KCND2: variants seen among roughly 807,000 people sequenced by gnomAD.
KCND2 encodes the protein A-type voltage-gated potassium channel KCND2.
A neutral mutation model predicts 54.4 loss-of-function variants in KCND2; 16 were observed. The observed-to-expected ratio is 0.29, with a 90% CI of 0.20 to 0.45. KCND2 has a LOEUF of 0.45. Ranked by LOEUF, KCND2 falls within the 20% of genes least tolerant of loss-of-function variation. The pLI is 1.00. For synonymous variants in KCND2, 317 were observed against 310.7 expected, an observed-to-expected ratio of 1.02 and a Z score of -0.21; for missense variants, 486 against 824.2, an observed-to-expected ratio of 0.59 and a Z score of 5.02.
chr7:120,325,032 A>G (rs1799954135), intron 1 of KCND2, among the ~76,000 whole-genome samples: 1 of 138,178 alleles, frequency 7.2e-6, no homozygotes. Flanking sequence ...TGTAAGTTGG[A>G]TTCCTAGGTA....
At chr7:120,399,183 AT>A (rs1212748726) in intron 1 of KCND2, among the ~76,000 whole-genome samples, 4 of 151,788 alleles carry the variant, frequency 2.6e-5, no homozygotes, top group Non-Finnish European at 5.9e-5. Flanking sequence ...GAAGCATAAT[AT>A]TTTTAAATAT....
intron 1 of KCND2, among the ~76,000 whole-genome samples, chr7:120,644,947 T>G (rs1037994237): frequency 4.6e-5 from 7 of 151,462 alleles, no homozygotes; most frequent in African/African-American, 1.7e-4. Flanking sequence ...GTTGATGGAG[T>G]TTTTTTTTCC....
intron 1 of KCND2, among the ~76,000 whole-genome samples, chr7:120,686,478 A>G (rs1164955036): frequency 6.6e-6 from 1 of 152,204 alleles, no homozygotes; most frequent in African/African-American, 2.4e-5. Flanking sequence ...TTGCCTCCTC[A>G]GAAGAAAGAA....
rs77959713 is a variant in KCND2, at chr7:120,318,563, C to G, written c.1115+42816C>G. 8.1e-3 allele frequency among the ~76,000 whole-genome samples: 1,238 copies of G among 152,104 alleles called. 8 individuals carry two copies. Among genetic ancestry groups the G allele is most frequent in the African/African-American group, 0.027 (1,137 of 41,542 alleles). On this transcript the variant is annotated intron_variant, in intron 1 of 5. Coordinates refer to ENST00000331113, the MANE Select transcript of KCND2 (RefSeq NM_012281.3). ...TTTATTTGCTTTGATAGCATTGTTA[C>G]TTGTTCATTTGGCCTGGAAAATTCC...
At chr7:120,404,057 C>T (rs2116088410) in intron 1 of KCND2, among the ~76,000 whole-genome samples, 1 of 152,132 alleles carries the variant, frequency 6.6e-6, no homozygotes, top group East Asian at 1.9e-4. Context: ...CATAAAATTT[C>T]AGTTTATTAA....
chr7:120,332,695 G>A (rs73431928), intron 1 of KCND2, among the ~76,000 whole-genome samples: 3,249 of 151,928 alleles, frequency 0.021, 131 homozygotes, highest in African/African-American at 0.074. Context: ...GGACCATATG[G>A]GTTATTGTAC....
chr7:120,322,725 C>T (rs924738153), intron 1 of KCND2, among the ~76,000 whole-genome samples: 2 of 152,066 alleles, frequency 1.3e-5, no homozygotes, highest in African/African-American at 4.8e-5. Flanking sequence ...TGAAAGATGG[C>T]ACTCCTCTGT....
chr7:120,437,439 T>A (rs991272246), intron 1 of KCND2, among the ~76,000 whole-genome samples: 3 of 152,098 alleles, frequency 2.0e-5, no homozygotes, highest in Non-Finnish European at 1.5e-5. Context: ...TGGCCTCAGG[T>A]GATCTGCCCA....
intron 1 of KCND2, among the ~76,000 whole-genome samples, chr7:120,728,814 T>C (rs958857464): frequency 6.6e-6 from 1 of 152,094 alleles, no homozygotes; most frequent in Non-Finnish European, 1.5e-5. Context: ...TAAATAATCC[T>C]ACTGGGCTTA....
intron 1 of KCND2, among the ~76,000 whole-genome samples, chr7:120,593,370 A>G (rs1584844965): frequency 1.3e-5 from 2 of 152,320 alleles, no homozygotes; most frequent in African/African-American, 4.8e-5. Flanking sequence ...CAAGGAGCTA[A>G]GTAAATTTCC....
chr7:120,368,149 A>G (rs1384935220), intron 1 of KCND2, among the ~76,000 whole-genome samples: 3 of 152,116 alleles, frequency 2.0e-5, no homozygotes, highest in Non-Finnish European at 2.9e-5. Flanking sequence ...CCTGGCTTCA[A>G]TGAAAGAAAT....
chr7:120,537,237 A>C (rs930143603), intron 1 of KCND2, among the ~76,000 whole-genome samples: 1 of 152,224 alleles, frequency 6.6e-6, no homozygotes, highest in Admixed American at 6.5e-5. Flanking sequence ...GACCATTGTC[A>C]ATAAGCAGTA....
At chr7:120,563,634 A>G (rs1286656717) in intron 1 of KCND2, among the ~76,000 whole-genome samples, 2 of 152,166 alleles carry the variant, frequency 1.3e-5, no homozygotes, top group Non-Finnish European at 1.5e-5. Flanking sequence ...AAAAAGCTTA[A>G]TGATCTGACT....
chr7:120,365,850 GTAAT>G (rs530557844), intron 1 of KCND2, among the ~76,000 whole-genome samples: 1 of 152,016 alleles, frequency 6.6e-6, no homozygotes, highest in East Asian at 1.9e-4. Context: ...GTTCAGGTAA[GTAAT>G]TAAAACAACA....
intron 1 of KCND2, among the ~76,000 whole-genome samples, chr7:120,294,867 T>C (rs1432660082): frequency 1.3e-5 from 2 of 151,830 alleles, no homozygotes; most frequent in African/African-American, 4.8e-5. Context: ...TATGTACACA[T>C]ACATATGTGT....
At chr7:120,558,993 C>A (rs566939540) in intron 1 of KCND2, among the ~76,000 whole-genome samples, 4 of 149,012 alleles carry the variant, frequency 2.7e-5, no homozygotes, top group Admixed American at 6.7e-5. Flanking sequence ...TCACAAAGTA[C>A]TGTGTGTGTG....
At chr7:120,656,217 G>A (rs1294545799) in intron 1 of KCND2, among the ~76,000 whole-genome samples, 1 of 152,074 alleles carries the variant, frequency 6.6e-6, no homozygotes, top group Non-Finnish European at 1.5e-5. Flanking sequence ...GCCATCAGTT[G>A]TGATATACTT....
intron 1 of KCND2, among the ~76,000 whole-genome samples, chr7:120,368,284 T>G (rs1482016770): frequency 6.6e-6 from 1 of 152,080 alleles, no homozygotes; most frequent in East Asian, 1.9e-4. Flanking sequence ...AATTGCTAGT[T>G]GAGGATAAGA....
rs548526124 is a variant in KCND2 at position 120,716,957 on chromosome 7, T to C, written c.1116-15946T>C. ...CTATACATATATATCTATGATAAAG[T>C]TTAATTTATAAGTTGAGCACAGTAA... On this transcript the variant is annotated intron_variant, in intron 1 of 5. Coordinates refer to ENST00000331113, the MANE Select transcript of KCND2 (RefSeq NM_012281.3). Among the ~76,000 whole-genome samples, 48 of 152,146 alleles carry C rather than the reference T, an allele frequency of 3.2e-4. 1 individual carries two copies. The Middle Eastern group carries it at 0.014, about 43-fold the overall frequency.
Sources: allele counts gnomAD v4.1 joint callset (sites outside exome capture counted in the v4.1 genomes callset), GRCh38; gene constraint gnomAD v4.1.1; transcripts MANE v1.5; gene names NCBI Gene and HGNC (gene_info 2026-07-23, HGNC 2026-07-21).